The following DEPTOR variants were observed in gnomAD, a reference collection of about 807,000 sequenced individuals.
DEPTOR encodes the protein DEP domain-containing mTOR-interacting protein.
A neutral mutation model predicts 41.6 loss-of-function variants in DEPTOR; 41 were observed. The ratio of observed to expected loss-of-function variants is 0.98; its 90% CI spans 0.77 to 1.28. DEPTOR has a LOEUF of 1.28. Among genes scored for constraint, DEPTOR ranks in the 50% most tolerant of loss-of-function variants. The pLI is 0.00. For synonymous variants in DEPTOR, 195 were observed against 192.3 expected (o/e 1.01, Z -0.12); for missense variants, 514 against 527.9 (o/e 0.97, Z 0.26).
chr8:120,037,794 A>G (rs1813000764), intron 8 of DEPTOR, among the ~76,000 whole-genome samples: 1 of 152,168 alleles, frequency 6.6e-6, no homozygotes, highest in Non-Finnish European at 1.5e-5. Context: ...GCCCAGGTGT[A>G]GAGATGAGTC....
intron 8 of DEPTOR, among the ~76,000 whole-genome samples, chr8:120,012,830 C>A (rs1308141036): frequency 6.6e-6 from 1 of 151,648 alleles, no homozygotes; most frequent in Non-Finnish European, 1.5e-5. Context: ...CCACCACGCC[C>A]AGCCGAATTT....
At chr8:119,935,355 C>T (rs1828097112) in intron 3 of DEPTOR, among the ~76,000 whole-genome samples, 2 of 152,152 alleles carry the variant, frequency 1.3e-5, no homozygotes, top group Admixed American at 6.6e-5. Context: ...TATCCGCGGC[C>T]TTAAGATGGT....
At chr8:119,878,065 G>A (rs1379282681) in intron 1 of DEPTOR, among the ~76,000 whole-genome samples, 1 of 152,072 alleles carries the variant, frequency 6.6e-6, no homozygotes, top group Non-Finnish European at 1.5e-5. Context: ...CAAGTAGCTG[G>A]GATTACAGGC....
intron 4 of DEPTOR, among the ~76,000 whole-genome samples, chr8:119,985,497 A>G (rs1366056475): frequency 6.6e-6 from 1 of 152,154 alleles, no homozygotes; most frequent in African/African-American, 2.4e-5. Flanking sequence ...CCCATTCTGT[A>G]GGTTGCCTGT....
chr8:120,010,460 C>A (rs1366900645), intron 8 of DEPTOR, among the ~76,000 whole-genome samples: 1 of 151,534 alleles, frequency 6.6e-6, no homozygotes, highest in Non-Finnish European at 1.5e-5. Context: ...ACTAAAGATA[C>A]AAAAAATTAG....
chr8:120,031,484 T>TAAA (rs1360711946), intron 8 of DEPTOR, among the ~76,000 whole-genome samples: 119 of 151,842 alleles, frequency 7.8e-4, no homozygotes, highest in Admixed American at 2.1e-3. Context: ...ATAATAATAA[T>TAAA]AAAATGCATA....
At chr8:119,956,712 G>A (rs891989789) in intron 3 of DEPTOR, among the ~76,000 whole-genome samples, 5 of 137,408 alleles carry the variant, frequency 3.6e-5, no homozygotes, top group East Asian at 2.1e-4. Context: ...TTTTTTTTAA[G>A]AGACAGGGTT....
intron 8 of DEPTOR, among the ~76,000 whole-genome samples, chr8:120,039,218 G>A (rs1054860556): frequency 2.6e-5 from 4 of 152,156 alleles, no homozygotes; most frequent in African/African-American, 4.8e-5. Flanking sequence ...GACATAGAAG[G>A]TGCCATCTAC....
At chr8:119,931,028 A>G (rs1828036360) in intron 3 of DEPTOR, among the ~76,000 whole-genome samples, 1 of 152,076 alleles carries the variant, frequency 6.6e-6, no homozygotes, top group Non-Finnish European at 1.5e-5. Context: ...CCTGGCCAAC[A>G]TGGTGAAAGC....
chr8:119,899,102 A>G (rs1352850208), intron 1 of DEPTOR, among the ~76,000 whole-genome samples: 1 of 152,234 alleles, frequency 6.6e-6, no homozygotes, highest in East Asian at 1.9e-4. Context: ...TAAAAGTAGT[A>G]TTGTAGATAG....
intron 8 of DEPTOR, among the ~76,000 whole-genome samples, chr8:120,011,943 G>T (rs1282374259): frequency 6.6e-6 from 1 of 152,038 alleles, no homozygotes; most frequent in Non-Finnish European, 1.5e-5. Context: ...CAGCTCCCTG[G>T]TCCAGCAAAA....
chr8:120,039,954 G>C (rs531320521), intron 8 of DEPTOR, among the ~76,000 whole-genome samples: 1 of 151,868 alleles, frequency 6.6e-6, no homozygotes, highest in Non-Finnish European at 1.5e-5. Flanking sequence ...AGCAATTCTC[G>C]TGCCTCAGCC....
At chr8:120,000,817 C>T (rs1270671135) in intron 4 of DEPTOR, among the ~76,000 whole-genome samples, 2 of 151,812 alleles carry the variant, frequency 1.3e-5, no homozygotes, top group Admixed American at 6.6e-5. Flanking sequence ...GTGGCTCACA[C>T]CTGTAATCCC....
At chr8:120,013,623 G>A (rs12547479) in intron 8 of DEPTOR, among the ~76,000 whole-genome samples, 43,577 of 152,046 alleles carry the variant, frequency 0.29, 6,574 homozygotes, top group South Asian at 0.45. Flanking sequence ...AAATTTTCCA[G>A]CATTCTGACC....
At chr8:119,877,440 C>A (rs1827243872) in intron 1 of DEPTOR, among the ~76,000 whole-genome samples, 1 of 151,848 alleles carries the variant, frequency 6.6e-6, no homozygotes, top group African/African-American at 2.4e-5. Flanking sequence ...TCATTCTTGT[C>A]ACTTTCACAA....
At chr8:119,999,271 T>G (rs1411484916) in intron 4 of DEPTOR, among the ~76,000 whole-genome samples, 1 of 141,300 alleles carries the variant, frequency 7.1e-6, no homozygotes, top group Admixed American at 7.2e-5. Flanking sequence ...AAATTCTGTC[T>G]CAAAAAAAAA....
chr8:120,009,855 C>A lies in DEPTOR; in HGVS notation c.1101+722C>A, dbSNP rs551771365. Among the ~76,000 whole-genome samples the A allele has an allele frequency of 2.0e-5, 3 of 152,188 alleles. No individual in the cohort carries two copies. The East Asian group carries it at 5.8e-4, about 29-fold the overall frequency. On this transcript the variant is annotated intron_variant, in intron 8 of 8. Coordinates refer to ENST00000286234, the MANE Select transcript of DEPTOR (RefSeq NM_022783.4). ...CCTCCCTGGTGTTTGGAGGTTTGGT[C>A]TCCAAACCTCCCCTGGTGTTTTACA... is the stretch of plus-strand genomic sequence containing the variant.
Position 119,961,411 on chromosome 8 carries a change from C to T in DEPTOR, c.426-3821C>T, listed in dbSNP as rs566480106. 1.3e-4 allele frequency among the ~76,000 whole-genome samples: 15 copies of T among 117,142 alleles called. No homozygotes were observed. The South Asian group carries it at 3.0e-3, about 24-fold the overall frequency. 76.8% of individuals were successfully genotyped at this position (117,142 alleles called of 152,430 possible). On this transcript the variant is annotated intron_variant, in intron 3 of 8. Transcript: ENST00000286234. ...AGCCTGGGCAACAAGAGTGAAACTC[C>T]GTATCAAAAAAAAAAAAAAAAAGTG...
At chr8:119,882,955 A>T (rs2129681100) in intron 1 of DEPTOR, among the ~76,000 whole-genome samples, 1 of 152,174 alleles carries the variant, frequency 6.6e-6, no homozygotes, top group African/African-American at 2.4e-5. Flanking sequence ...TATGGCAGTG[A>T]TTGTTTCTAT....
Sources: gnomAD v4.1 joint callset for allele counts (sites outside exome capture counted in the v4.1 genomes callset) on GRCh38, gnomAD v4.1.1 for gene constraint, MANE v1.5 for transcripts, NCBI Gene and HGNC (gene_info 2026-07-23, HGNC 2026-07-21) for gene names.